ROBO1: variants seen among roughly 807,000 people sequenced by gnomAD.
The protein encoded by ROBO1 is roundabout homolog 1.
A neutral mutation model predicts 195.9 loss-of-function variants in ROBO1; 149 were observed. That is an observed-to-expected ratio of 0.76 (90% CI 0.67 to 0.87). The LOEUF is 0.87. Ranked by LOEUF, ROBO1 falls within the 40% of genes least tolerant of loss-of-function variation. The pLI, the probability that ROBO1 is intolerant of heterozygous loss-of-function variation, is 0.00. For missense variants in ROBO1, 1,933 were observed against 2,068.3 expected, an observed-to-expected ratio of 0.93 and a Z score of 1.27; for synonymous variants, 816 against 733.2, an observed-to-expected ratio of 1.11 and a Z score of -1.82.
Position 79,659,619 on chromosome 3 carries a change from A to G in ROBO1, c.-50-69658T>C, listed in dbSNP as rs532815203. Among the ~76,000 whole-genome samples, 685 of 105,576 alleles carry G rather than the reference A, an allele frequency of 6.5e-3. 9 individuals carry two copies. The highest frequency in any genetic ancestry group is 0.026 in the African/African-American group (647 of 24,822). The allele number at this position is 105,576 out of a possible 152,430, so 69.3% of individuals were successfully genotyped here. On this transcript the variant is annotated intron_variant, in intron 1 of 30. Coordinates refer to ENST00000464233, the MANE Select transcript of ROBO1 (RefSeq NM_002941.4). ...AATGGACCCAGAGTTCAGAAAAAAA[A>G]AACACAATATTTTTTGGTTTTATAG...
chr3:79,766,631 C>A (rs752280811), intron 1 of ROBO1, among the ~76,000 whole-genome samples: 38 of 152,126 alleles, frequency 2.5e-4, no homozygotes, highest in African/African-American at 8.4e-4. Flanking sequence ...GCCGAGTTTT[C>A]CGCATCGGCC....
intron 2 of ROBO1, among the ~76,000 whole-genome samples, chr3:79,491,325 G>A (rs185019033): frequency 8.1e-4 from 122 of 150,124 alleles, no homozygotes; most frequent in African/African-American, 2.8e-3. Flanking sequence ...TGCTTTAATT[G>A]ATTACTCCAG....
chr3:79,590,703 A>C (rs1371832527), intron 1 of ROBO1, among the ~76,000 whole-genome samples: 1 of 151,796 alleles, frequency 6.6e-6, no homozygotes, highest in Non-Finnish European at 1.5e-5. Context: ...TAAGTGGAAA[A>C]TAAAACAATA....
intron 2 of ROBO1, among the ~76,000 whole-genome samples, chr3:79,540,847 A>C (rs1256252444): frequency 6.6e-6 from 1 of 152,128 alleles, no homozygotes; most frequent in Admixed American, 6.6e-5. Context: ...ATGTCTACGT[A>C]ATATTTTTTA....
chr3:79,480,029 G>A (rs114033655), intron 2 of ROBO1, among the ~76,000 whole-genome samples: 1,631 of 152,120 alleles, frequency 0.011, 30 homozygotes, highest in African/African-American at 0.037. Flanking sequence ...CAATGAGAAA[G>A]GAAAAATAAA....
intron 22 of ROBO1, among the ~76,000 whole-genome samples, chr3:78,636,602 C>A (rs1398631805): frequency 6.6e-6 from 1 of 151,594 alleles, no homozygotes; most frequent in African/African-American, 2.4e-5. Context: ...TATAAAATAC[C>A]TACATTTAAA....
chr3:79,696,371 C>A (rs986271153), intron 1 of ROBO1, among the ~76,000 whole-genome samples: 6 of 150,250 alleles, frequency 4.0e-5, no homozygotes, highest in African/African-American at 1.5e-4. Flanking sequence ...AACTAATAAA[C>A]CTTATTAAAA....
intron 3 of ROBO1, among the ~76,000 whole-genome samples, chr3:79,001,615 T>C (rs1418192600): frequency 6.6e-6 from 1 of 152,180 alleles, no homozygotes; most frequent in Non-Finnish European, 1.5e-5. Context: ...TTTCTGCCCA[T>C]CTATATATGA....
intron 5 of ROBO1, among the ~76,000 whole-genome samples, chr3:78,737,030 C>G (rs962511574): frequency 2.6e-5 from 4 of 152,066 alleles, no homozygotes; most frequent in Non-Finnish European, 5.9e-5. Context: ...ATGGTGGGTA[C>G]CTTTAGGGCA....
intron 14 of ROBO1, among the ~76,000 whole-genome samples, chr3:78,665,531 T>C (rs1707680949): frequency 6.6e-6 from 1 of 152,212 alleles, no homozygotes; most frequent in South Asian, 2.1e-4. Flanking sequence ...CTGATTCTCT[T>C]ATTTGGCATA....
chr3:79,496,373 T>C (rs561098496), intron 2 of ROBO1, among the ~76,000 whole-genome samples: 165 of 145,374 alleles, frequency 1.1e-3, no homozygotes, highest in Middle Eastern at 0.01. Context: ...TTTGGTATAA[T>C]GCTGCGCACC....
intron 2 of ROBO1, among the ~76,000 whole-genome samples, chr3:79,329,939 G>C (rs1482943513): frequency 6.6e-6 from 1 of 151,882 alleles, no homozygotes; most frequent in Non-Finnish European, 1.5e-5. Context: ...CTGTTCTCTG[G>C]ACCAGTAAAC....
chr3:78,871,669 T>A (rs2035553633), intron 4 of ROBO1, among the ~76,000 whole-genome samples: 1 of 151,624 alleles, frequency 6.6e-6, no homozygotes, highest in Non-Finnish European at 1.5e-5. Context: ...CAAGTTAAAT[T>A]TTTGAATCTA....
chr3:78,616,813 T>C (rs1704140183), intron 27 of ROBO1, among the ~76,000 whole-genome samples: 1 of 152,186 alleles, frequency 6.6e-6, no homozygotes, highest in Non-Finnish European at 1.5e-5. Flanking sequence ...AATCATGTGA[T>C]AAATAAGTCT....
Position 79,114,553 on chromosome 3 carries a change from T to C in ROBO1, c.172+10903A>G, listed in dbSNP as rs536699974. Reference sequence around the variant, plus strand: ...TTGGTGAACTTAGGCTCATAGATCTTGGTGAGCAGTAAGCAACCATTACTC... The same window carrying C: ...TTGGTGAACTTAGGCTCATAGATCTCGGTGAGCAGTAAGCAACCATTACTC... On this transcript the variant is annotated intron_variant, in intron 3 of 30. Transcript: ENST00000464233. Among the ~76,000 whole-genome samples, 5 of 152,324 alleles carry C rather than the reference T, an allele frequency of 3.3e-5. No homozygotes were observed. The East Asian group carries it at 9.6e-4, about 29-fold the overall frequency.
rs557159328 is a variant in ROBO1, at chr3:79,191,131, C to G, written c.89-65592G>C. Among the ~76,000 whole-genome samples, 3 of 151,544 alleles carry G rather than the reference C, an allele frequency of 2.0e-5. No individual in the cohort carries two copies. The East Asian group carries it at 5.8e-4, about 29-fold the overall frequency. On this transcript the variant is annotated intron_variant, in intron 2 of 30. Coordinates refer to ENST00000464233, the MANE Select transcript of ROBO1 (RefSeq NM_002941.4). ...TCTCGTGATTTTTGAGTGTGAGGGG[C>G]AAGTCATCTTATTTTACTTATCTTT...
At chr3:79,384,244 G>A (rs1264838045) in intron 2 of ROBO1, among the ~76,000 whole-genome samples, 1 of 151,922 alleles carries the variant, frequency 6.6e-6, no homozygotes. Flanking sequence ...GTTTGAATGT[G>A]TTATTCTTCA....
chr3:78,808,113 G>C (rs333493), intron 4 of ROBO1, among the ~76,000 whole-genome samples: 104,266 of 152,040 alleles, frequency 0.69, 36,381 homozygotes, highest in South Asian at 0.81. Context: ...TTATTTCATA[G>C]GCTATTATCT....
intron 3 of ROBO1, among the ~76,000 whole-genome samples, chr3:79,094,047 T>C (rs879439270): frequency 6.6e-6 from 1 of 152,094 alleles, no homozygotes; most frequent in Non-Finnish European, 1.5e-5. Flanking sequence ...AAATTCTCTT[T>C]TCCCTTTGCC....
Sources: gnomAD v4.1 joint callset for allele counts (sites outside exome capture counted in the v4.1 genomes callset) on GRCh38, gnomAD v4.1.1 for gene constraint, MANE v1.5 for transcripts, NCBI Gene and HGNC (gene_info 2026-07-23, HGNC 2026-07-21) for gene names.